The following CASK variants were observed in gnomAD, a reference collection of about 807,000 sequenced individuals.
CASK encodes the protein peripheral plasma membrane protein CASK.
CASK carries 4 observed loss-of-function variants against 82.9 expected under a neutral mutation model. That is an observed-to-expected ratio of 0.05 (90% CI 0.02 to 0.11). The LOEUF (loss-of-function observed/expected upper bound fraction) is 0.11. CASK is among the 10% of genes least tolerant of loss of function. The pLI, the probability that CASK is intolerant of heterozygous loss-of-function variation, is 1.00. For missense variants in CASK, 358 were observed against 720.9 expected (o/e 0.50, Z 5.76); for synonymous variants, 259 against 253.5 (o/e 1.02, Z -0.20).
chrX:41,577,943 C>T (rs2065506891), intron 15 of CASK, among the ~76,000 whole-genome samples: 1 of 112,106 alleles, frequency 8.9e-6, no homozygotes, highest in African/African-American at 3.2e-5. Context: ...GGCAAAAGAT[C>T]TGAAAACTAT....
At chrX:41,791,727 TAA>T (rs761672032) in intron 2 of CASK, among the ~76,000 whole-genome samples, 18 of 96,021 alleles carry the variant, frequency 1.9e-4, no homozygotes, top group Admixed American at 1.1e-4. Context: ...CATCTCAGAT[TAA>T]AAAAAAAAAA....
intron 22 of CASK, among the ~76,000 whole-genome samples, chrX:41,537,873 G>A (rs1190889344): frequency 9.5e-6 from 1 of 104,991 alleles, no homozygotes; most frequent in African/African-American, 3.4e-5. Flanking sequence ...ACAGGGTCTC[G>A]CTCCTTCACC....
At chrX:41,845,760 C>T (rs780913374) in intron 2 of CASK, among the ~76,000 whole-genome samples, 1 of 111,381 alleles carries the variant, frequency 9.0e-6, no homozygotes, top group South Asian at 3.7e-4. Flanking sequence ...AATTTTACTA[C>T]TGGTTTTCTA....
intron 5 of CASK, chrX:41,695,768 C>T: frequency 8.3e-7 from 1 of 1,210,155 alleles, no homozygotes; most frequent in East Asian, 3.0e-5. Flanking sequence ...ATGTTACTAC[C>T]TGTCCCATGG....
At chrX:41,802,785 T>C (rs1296242528) in intron 2 of CASK, among the ~76,000 whole-genome samples, 1 of 111,579 alleles carries the variant, frequency 9.0e-6, no homozygotes, top group Admixed American at 9.6e-5. Flanking sequence ...AGAAGGGTTA[T>C]GTGATGTGCC....
rs749295329 is a variant in CASK at position 41,842,869 on chromosome X, T to C, written c.172+10246A>G. 7.1e-5 allele frequency among the ~76,000 whole-genome samples: 8 copies of C among 112,144 alleles called. No homozygotes were observed. In the South Asian group the frequency reaches 1.1e-3, roughly 16 times the overall value. Reference sequence around the variant, plus strand: ...TCTCAACAATATAGTTTTCCATTTATTAGCCTTGCACTTCCTTGGTTAAAT... The same window carrying C: ...TCTCAACAATATAGTTTTCCATTTACTAGCCTTGCACTTCCTTGGTTAAAT... On this transcript the variant is annotated intron_variant, in intron 2 of 26. Coordinates refer to ENST00000378163, the MANE Select transcript of CASK (RefSeq NM_001367721.1).
chrX:41,814,340 A>T (rs1355110000), intron 2 of CASK, among the ~76,000 whole-genome samples: 1 of 111,437 alleles, frequency 9.0e-6, no homozygotes, highest in Non-Finnish European at 1.9e-5. Context: ...CTTGGAACCA[A>T]CCCAAATGTC....
intron 5 of CASK, among the ~76,000 whole-genome samples, chrX:41,733,175 CAA>C (rs200021916): frequency 8.4e-4 from 45 of 53,355 alleles, no homozygotes; most frequent in South Asian, 3.5e-3. Context: ...GATTCCATCT[CAA>C]AAAAAAAAAA....
chrX:41,574,921 T>C (rs139216534), intron 15 of CASK, among the ~76,000 whole-genome samples: 2,491 of 112,267 alleles, frequency 0.022, 30 homozygotes, highest in Non-Finnish European at 0.036. Flanking sequence ...TTTTCAGAAG[T>C]GGTAGGTGAG....
At chrX:41,588,550 G>A (rs2065692568) in intron 13 of CASK, 1 of 111,245 alleles carries the variant, frequency 9.0e-6, no homozygotes, top group African/African-American at 3.3e-5. Flanking sequence ...GGGCAGGCCG[G>A]GCAGCCTCCA....
intron 1 of CASK, among the ~76,000 whole-genome samples, chrX:41,872,095 A>G (rs942493275): frequency 3.5e-5 from 4 of 112,789 alleles, no homozygotes; most frequent in Non-Finnish European, 7.5e-5. Context: ...CACACTCATC[A>G]TTCGCTTACG....
At chrX:41,649,169 G>C (rs1341813981) in intron 8 of CASK, among the ~76,000 whole-genome samples, 20 of 110,869 alleles carry the variant, frequency 1.8e-4, no homozygotes, top group African/African-American at 6.2e-4. Context: ...TGCTAGCGGT[G>C]TATCAATTTT....
intron 9 of CASK, among the ~76,000 whole-genome samples, chrX:41,629,518 G>A (rs565079243): frequency 8.9e-6 from 1 of 111,824 alleles, no homozygotes; most frequent in South Asian, 3.7e-4. Context: ...ATAATGAAGA[G>A]TAGACATAAT....
chrX:41,519,336 T>C lies in CASK; in HGVS notation c.*1084A>G, dbSNP rs911613200. Reference sequence around the variant, plus strand: ...TTGGAATATTTCAGTTTATAGCAAATGCCTAAACTGGTTTCTTCATTGCAC... The same window carrying C: ...TTGGAATATTTCAGTTTATAGCAAACGCCTAAACTGGTTTCTTCATTGCAC... On this transcript the variant is annotated 3_prime_UTR_variant, in exon 27 of 27. Transcript: ENST00000378163. 4 of 112,084 alleles carry C rather than the reference T, an allele frequency of 3.6e-5. No homozygotes were observed. Among genetic ancestry groups the C allele is most frequent in the African/African-American group, 1.3e-4 (4 of 30,840 alleles). 9.2% of individuals were successfully genotyped at this position (112,084 alleles called of 1,213,427 possible). A position where few individuals can be genotyped will look rare whatever the true frequency, so the allele number is the denominator to read the frequency against.
chrX:41,728,896 G>A (rs2068316401), intron 5 of CASK: 1 of 123,348 alleles, frequency 8.1e-6, no homozygotes, highest in East Asian at 2.8e-4. Context: ...TGTTATTGGG[G>A]AGAAGCAATA....
intron 3 of CASK, among the ~76,000 whole-genome samples, chrX:41,762,953 A>C (rs1236465004): frequency 9.0e-6 from 1 of 111,325 alleles, no homozygotes; most frequent in Non-Finnish European, 1.9e-5. Context: ...AATCATGGAA[A>C]CAGCAGTGGG....
chrX:41,593,139 G>C (rs761892718), intron 12 of CASK, among the ~76,000 whole-genome samples: 1 of 111,447 alleles, frequency 9.0e-6, no homozygotes, highest in Non-Finnish European at 1.9e-5. Context: ...TAAAAGGTGG[G>C]GCTTCTACCT....
Position 41,515,508 on chromosome X carries a change from G to A in CASK, c.*4912C>T, listed in dbSNP as rs1434434657. ...CACCCCAGAACTGAGTTTGAATGGC[G>A]ACGTGCCTACACTGCAATTAAACAC... On this transcript the variant is annotated 3_prime_UTR_variant, in exon 27 of 27. Transcript: ENST00000378163. 1.8e-5 allele frequency: 2 copies of A among 112,006 alleles called. No individual in the cohort carries two copies. Among genetic ancestry groups the A allele is most frequent in the African/African-American group, 6.5e-5 (2 of 30,764 alleles). The allele number at this position is 112,006 out of a possible 1,213,427, so 9.2% of individuals were successfully genotyped here. A position where few individuals can be genotyped will look rare whatever the true frequency, so the allele number is the denominator to read the frequency against.
intron 1 of CASK, among the ~76,000 whole-genome samples, chrX:41,855,261 C>T (rs2071346531): frequency 9.0e-6 from 1 of 111,152 alleles, no homozygotes; most frequent in African/African-American, 3.3e-5. Flanking sequence ...AAATCAAATC[C>T]CCAATTCTTT....
Sources: gnomAD v4.1 joint callset for allele counts (sites outside exome capture counted in the v4.1 genomes callset) on GRCh38, gnomAD v4.1.1 for gene constraint, MANE v1.5 for transcripts, NCBI Gene and HGNC (gene_info 2026-07-23, HGNC 2026-07-21) for gene names.